Variants in MYH10 observed in about 807,000 individuals in gnomAD.
MYH10 encodes myosin heavy chain 10, also known as myosin-10.
A neutral mutation model predicts 257.8 loss-of-function variants in MYH10; 55 were observed. That is an observed-to-expected ratio of 0.21 (90% CI 0.17 to 0.27). The LOEUF (loss-of-function observed/expected upper bound fraction) is 0.27. Ranked by LOEUF, MYH10 falls within the 10% of genes least tolerant of loss-of-function variation. The pLI is 1.00. For synonymous variants in MYH10, 854 were observed against 921.7 expected, an observed-to-expected ratio of 0.93 and a Z score of 1.33; for missense variants, 1,631 against 2,500.6, an observed-to-expected ratio of 0.65 and a Z score of 7.42.
intron 14 of MYH10, among the ~76,000 whole-genome samples, chr17:8,539,868 C>T (rs202133910): frequency 1.3e-5 from 2 of 152,210 alleles, no homozygotes; most frequent in East Asian, 3.8e-4. Context: ...GGATTACAGG[C>T]ATAAGCCACC....
chr17:8,556,545 A>G (rs919473734), intron 7 of MYH10, among the ~76,000 whole-genome samples: 1 of 152,254 alleles, frequency 6.6e-6, no homozygotes, highest in African/African-American at 2.4e-5. Flanking sequence ...GATTCCATGT[A>G]CTTGACATGC....
At position 8,481,350 on chromosome 17, in the gene MYH10, C is replaced by T. The variant is rs1379866738; in HGVS notation, c.5236G>A (p.Asp1746Asn). ...HAEQERDELADEITNSASGKS... is the reference protein window; with the variant it reads ...HAEQERDELANEITNSASGKS... ...CCAGAGGCGCTGTTGGTGATCTCGT[C>T]CGCCAGCTCATCTCTCTCCTGCTCG... Residue 1746 changes from aspartate (D) to asparagine (N), a missense_variant, in exon 38 of 43, where the codon GAC becomes AAC. Coordinates refer to ENST00000360416, the MANE Select transcript of MYH10 (RefSeq NM_001256012.3). The T allele has an allele frequency of 2.5e-5, 41 of 1,613,956 alleles. No individual in the cohort carries two copies. Among genetic ancestry groups the T allele is most frequent in the Middle Eastern group, 1.6e-4 (1 of 6,084 alleles).
chr17:8,603,191 T>TTATC (rs1365413165), intron 3 of MYH10, among the ~76,000 whole-genome samples: 1 of 152,234 alleles, frequency 6.6e-6, no homozygotes, highest in Non-Finnish European at 1.5e-5. Flanking sequence ...AAATGTATCA[T>TTATC]TATCCCTCCC....
intron 7 of MYH10, among the ~76,000 whole-genome samples, chr17:8,565,747 G>A (rs1438609977): frequency 1.3e-5 from 2 of 152,160 alleles, no homozygotes; most frequent in African/African-American, 4.8e-5. Flanking sequence ...GGATTCAATG[G>A]CTAATTCCTG....
chr17:8,570,873 A>G (rs970571064), intron 6 of MYH10, among the ~76,000 whole-genome samples: 1 of 152,150 alleles, frequency 6.6e-6, no homozygotes, highest in Non-Finnish European at 1.5e-5. Flanking sequence ...GTGGACTGTC[A>G]CTCAGCTGAA....
intron 1 of MYH10, among the ~76,000 whole-genome samples, chr17:8,629,534 C>A (rs2152117927): frequency 6.6e-6 from 1 of 152,274 alleles, no homozygotes. Flanking sequence ...TGGGGGCCTC[C>A]CGCTTCCCAG....
chr17:8,613,661 CAT>C (rs1597980022), intron 2 of MYH10, among the ~76,000 whole-genome samples: 1 of 152,008 alleles, frequency 6.6e-6, no homozygotes, highest in South Asian at 2.1e-4. Flanking sequence ...AAAAAATAAA[CAT>C]AGAGCGGGTA....
intron 3 of MYH10, among the ~76,000 whole-genome samples, chr17:8,592,970 T>TAAA (rs1567953277): frequency 2.5e-5 from 3 of 121,956 alleles, no homozygotes; most frequent in Middle Eastern, 4.2e-3. Flanking sequence ...TATATATATA[T>TAAA]AAAAGATGAT....
chr17:8,478,510 T>G, intron 40 of MYH10, 64 bp from the exon 41 acceptor site: 1 of 1,480,334 alleles, frequency 6.8e-7, no homozygotes, highest in South Asian at 1.1e-5. Flanking sequence ...GAAAAAATAT[T>G]TTTTAAAGCC....
chr17:8,561,490 T>C (rs1163755176), intron 7 of MYH10: 4 of 1,427,948 alleles, frequency 2.8e-6, no homozygotes, highest in Non-Finnish European at 3.9e-6. Flanking sequence ...CAGGAATCGA[T>C]CTCGTGAAGC....
chr17:8,553,858 C>A (rs1223790712), intron 8 of MYH10, 97 bp downstream of exon 8: 19 of 954,790 alleles, frequency 2.0e-5, no homozygotes, highest in Non-Finnish European at 3.1e-5. Flanking sequence ...GTTTTATCAT[C>A]TGGATTTTGG....
rs778702664 is a variant in MYH10, at chr17:8,506,337, G to A, written c.3367C>T (p.Leu1123=). ...KLQLAKKEEE[L]QGALARGDDE... ...GCAGACCTGGCCAGTGCGCCCTGCA[G>A]CTCCTCCTCCTTCTTGGCCAGCTGC... Residue 1123 remains leucine (L), a synonymous_variant, in exon 27 of 43, where the codon CTG becomes TTG. Coordinates refer to ENST00000360416, the MANE Select transcript of MYH10 (RefSeq NM_001256012.3). This position sits in a 1 kb window ranked among gnomAD's most constrained non-coding sequence, Gnocchi z 5.0. 2 of 1,604,142 alleles carry A rather than the reference G, an allele frequency of 1.2e-6. No homozygotes were observed. Among genetic ancestry groups the A allele is most frequent in the Admixed American group, 3.5e-5 (2 of 56,808 alleles).
At chr17:8,516,909 C>T (rs557425207) in intron 21 of MYH10, among the ~76,000 whole-genome samples, 320 of 152,034 alleles carry the variant, frequency 2.1e-3, no homozygotes, top group African/African-American at 6.5e-3. Context: ...GAGGCTGAGG[C>T]GGGTGGATCA....
chr17:8,577,251 C>T lies in MYH10; in HGVS notation c.618G>A (p.Lys206=), dbSNP rs777360500. Residue 206 remains lysine, a synonymous_variant, in exon 5 of 43, where the codon AAG becomes AAA. Coordinates refer to ENST00000360416, the MANE Select transcript of MYH10 (RefSeq NM_001256012.3). The part of the protein sequence containing the change: ...AHVASSHKGR[K]DHNIPQESPK... Reference sequence around the variant, plus strand: ...AGAAACTTACAGGAATATTATGGTCCTTTCTTCCTTTATGTGAAGAAGCAA... The same window carrying T: ...AGAAACTTACAGGAATATTATGGTCTTTTCTTCCTTTATGTGAAGAAGCAA... 3.1e-6 allele frequency: 5 copies of T among 1,609,118 alleles called. No homozygotes were observed. Among genetic ancestry groups the T allele is most frequent in the Non-Finnish European group, 4.3e-6 (5 of 1,176,276 alleles).
rs762239237 is a variant in MYH10, at chr17:8,513,662, G to A, written c.2621C>T (p.Pro874Leu). Reference protein sequence around the residue: ...QWWRVFTKVKPLLQVTRQEEE... With the variant: ...QWWRVFTKVKLLLQVTRQEEE... ...CTCCTGGCGAGTCACTTGTAGAAGC[G>A]GCTTCACCTATGACAAAATTAAGCA... Residue 874 changes from proline (P) to leucine (L), a missense_variant, in exon 23 of 43, where the codon CCG (proline) becomes CTG (leucine). Physicochemically the swap from Pro to Leu is moderately conservative, Grantham distance 98 (BLOSUM62 -3). This residue lies in a region of MYH10 where 116 missense variants were observed against 221.6 expected (regional missense o/e 0.52). Transcript: ENST00000360416. 1.9e-6 allele frequency: 3 copies of A among 1,612,206 alleles called. No homozygotes were observed. Among genetic ancestry groups the A allele is most frequent in the Non-Finnish European group, 2.5e-6 (3 of 1,179,744 alleles).
chr17:8,573,011 T>C (rs1224939528), intron 6 of MYH10, among the ~76,000 whole-genome samples: 2 of 152,232 alleles, frequency 1.3e-5, no homozygotes, highest in African/African-American at 4.8e-5. Context: ...GGATGGGCAA[T>C]GTCCCTTGTT....
At chr17:8,547,536 T>G (rs762538511) in intron 11 of MYH10, among the ~76,000 whole-genome samples, 1 of 151,760 alleles carries the variant, frequency 6.6e-6, no homozygotes, top group African/African-American at 2.4e-5. Flanking sequence ...AAGCCTCAAA[T>G]TGGTTATAAA....
chr17:8,577,979 T>C (rs1191518644), intron 4 of MYH10, among the ~76,000 whole-genome samples: 1 of 152,204 alleles, frequency 6.6e-6, no homozygotes, highest in African/African-American at 2.4e-5. Flanking sequence ...ACCATAAACA[T>C]ATCTGGCACT....
At chr17:8,627,484 TG>T (rs1412532912) in intron 1 of MYH10, among the ~76,000 whole-genome samples, 1 of 152,226 alleles carries the variant, frequency 6.6e-6, no homozygotes, top group East Asian at 1.9e-4. Flanking sequence ...CATTTTGTAC[TG>T]TTCTCCTGAC....
Sources: allele counts gnomAD v4.1 joint callset (sites outside exome capture counted in the v4.1 genomes callset), GRCh38; gene constraint gnomAD v4.1.1; regional missense constraint gnomAD v4.1.1; non-coding constraint Gnocchi (gnomAD v3.1); transcripts MANE v1.5; gene names NCBI Gene and HGNC (gene_info 2026-07-23, HGNC 2026-07-21).